Variants in SH3GL1 observed in about 807,000 individuals in gnomAD.
The protein encoded by SH3GL1 is SH3 domain containing GRB2 like 1, endophilin A2, also known as endophilin-A2.
In SH3GL1, 21 loss-of-function variants were observed where a neutral mutation model predicts 48.8. That is an observed-to-expected ratio of 0.43 (90% CI 0.30 to 0.62). The LOEUF (loss-of-function observed/expected upper bound fraction) is 0.62, where lower values mean the gene tolerates loss of function less well. Ranked by LOEUF, SH3GL1 falls within the 20% of genes least tolerant of loss-of-function variation. The pLI is 0.11. For missense variants in SH3GL1, 454 were observed against 503.0 expected, an observed-to-expected ratio of 0.90 and a Z score of 0.93; for synonymous variants, 282 against 217.5, an observed-to-expected ratio of 1.30 and a Z score of -2.61.
In SH3GL1 at chr19:4,367,580, ACT is replaced by A. The variant is rs1599595902; in HGVS notation, c.46-588_46-587del. 1.3e-5 allele frequency among the ~76,000 whole-genome samples: 2 copies of A among 152,262 alleles called. No individual in the cohort carries two copies. Among genetic ancestry groups the A allele is most frequent in the Admixed American group, 6.5e-5 (1 of 15,300 alleles). Reference sequence around the variant, plus strand: ...AGCCCAGCCCTTGCCCCATGTGGACACTGAGTTTCACAAGGCAGTCAACACAG... The same window carrying A: ...AGCCCAGCCCTTGCCCCATGTGGACAGAGTTTCACAAGGCAGTCAACACAG... On this transcript the variant is annotated intron_variant, in intron 1 of 9. Coordinates refer to ENST00000269886, the MANE Select transcript of SH3GL1 (RefSeq NM_003025.4). The surrounding 1 kb of genome is among the most constrained non-coding windows in gnomAD (Gnocchi z 4.2).
intron 1 of SH3GL1, among the ~76,000 whole-genome samples, chr19:4,398,351 G>A (rs1167872876): frequency 2.6e-5 from 4 of 151,604 alleles, no homozygotes; most frequent in East Asian, 1.9e-4. Flanking sequence ...TGCAGTACAC[G>A]GACCAATAGG....
chr19:4,374,997 C>G (rs896633558), intron 1 of SH3GL1, among the ~76,000 whole-genome samples: 1 of 152,202 alleles, frequency 6.6e-6, no homozygotes, highest in Non-Finnish European at 1.5e-5. Flanking sequence ...CTCTAATGAC[C>G]GGCAGCCCTG....
intron 4 of SH3GL1, among the ~76,000 whole-genome samples, chr19:4,364,974 C>T (rs570913033): frequency 1.5e-3 from 227 of 149,010 alleles, no homozygotes; most frequent in African/African-American, 5.5e-3. Context: ...TTGCTGGTCT[C>T]GAATTCCCGA....
intron 1 of SH3GL1, among the ~76,000 whole-genome samples, chr19:4,372,204 C>T (rs974455005): frequency 2.6e-5 from 4 of 152,206 alleles, no homozygotes; most frequent in African/African-American, 9.6e-5. Context: ...GCCCAGCCAC[C>T]TGCAGGACCA....
At chr19:4,364,537 TCTC>T (rs1257386759) in intron 4 of SH3GL1, 5 of 356,494 alleles carry the variant, frequency 1.4e-5, no homozygotes, top group South Asian at 2.5e-5. Context: ...TTCAAGCAAT[TCTC>T]CTGTCTCAGC....
chr19:4,394,701 C>T (rs1426022439), intron 1 of SH3GL1, among the ~76,000 whole-genome samples: 1 of 152,154 alleles, frequency 6.6e-6, no homozygotes, highest in Non-Finnish European at 1.5e-5. Context: ...TTATCTTTTC[C>T]AGCACTCTCT....
chr19:4,362,433 A>C, intron 8 of SH3GL1, 48 bp from the exon 9 acceptor site: 2 of 1,589,172 alleles, frequency 1.3e-6, no homozygotes, highest in Non-Finnish European at 1.7e-6. Context: ...ACGGTCGGGC[A>C]GGGCCCCTTC....
Position 4,367,092 on chromosome 19 carries a change from G to T in SH3GL1, c.46-98C>A. Reference sequence around the variant, plus strand: ...GCCTTCCAGCCACATCGCATCCACAGCTGGAGGCAGGAGGCCAAGTGATCA... The same window carrying T: ...GCCTTCCAGCCACATCGCATCCACATCTGGAGGCAGGAGGCCAAGTGATCA... On this transcript the variant is annotated intron_variant, in intron 1 of 9. Coordinates refer to ENST00000269886, the MANE Select transcript of SH3GL1 (RefSeq NM_003025.4). The surrounding 1 kb of genome is among the most constrained non-coding windows in gnomAD (Gnocchi z 4.2). 1 of 1,113,856 alleles carries T rather than the reference G, an allele frequency of 9.0e-7. No homozygotes were observed. Among genetic ancestry groups the T allele is most frequent in the Non-Finnish European group, 1.4e-6 (1 of 726,998 alleles). 69.0% of individuals were successfully genotyped at this position (1,113,856 alleles called of 1,614,324 possible). A position where few individuals can be genotyped will look rare whatever the true frequency, so the allele number is the denominator to read the frequency against.
At position 4,367,938 on chromosome 19, in the gene SH3GL1, G is replaced by A. The variant is rs1320193930; in HGVS notation, c.46-944C>T. Among the ~76,000 whole-genome samples, 1 of 152,136 alleles carries A rather than the reference G, an allele frequency of 6.6e-6. No homozygotes were observed. The highest frequency in any genetic ancestry group is 1.5e-5 in the Non-Finnish European group (1 of 68,016). ...TTCCCAGCACACAGCGCTTCATGAA[G>A]AGCCGAGTGGCTGCCAGGCCCTGCC... On this transcript the variant is annotated intron_variant, in intron 1 of 9. Transcript: ENST00000269886. The surrounding 1 kb of genome is among the most constrained non-coding windows in gnomAD (Gnocchi z 4.2).
intron 1 of SH3GL1, among the ~76,000 whole-genome samples, chr19:4,388,386 C>A (rs1232730756): frequency 1.3e-5 from 2 of 152,092 alleles, no homozygotes; most frequent in Non-Finnish European, 2.9e-5. Context: ...AACGCTGGGA[C>A]AGGGGACGCA....
intron 1 of SH3GL1, among the ~76,000 whole-genome samples, chr19:4,379,924 G>A (rs1439563407): frequency 2.6e-5 from 4 of 152,198 alleles, no homozygotes; most frequent in African/African-American, 9.7e-5. Flanking sequence ...CACTTCCTGA[G>A]CTACGAGCAG....
At chr19:4,368,680 AGT>A (rs1972834076) in intron 1 of SH3GL1, among the ~76,000 whole-genome samples, 1 of 152,170 alleles carries the variant, frequency 6.6e-6, no homozygotes. Context: ...CCGGGCATTC[AGT>A]GAGCACAGGC....
At chr19:4,361,859 C>A in intron 9 of SH3GL1, 63 bp from the exon 10 acceptor site, 1 of 1,210,458 alleles carries the variant, frequency 8.3e-7, no homozygotes, top group South Asian at 1.3e-5. Flanking sequence ...AGTCTGGGGT[C>A]TCAGACCTGC....
At chr19:4,379,975 G>A (rs574469588) in intron 1 of SH3GL1, among the ~76,000 whole-genome samples, 1 of 152,246 alleles carries the variant, frequency 6.6e-6, no homozygotes, top group Non-Finnish European at 1.5e-5. Context: ...ATCATGGTCT[G>A]GTAGCCAGGC....
chr19:4,375,060 C>T (rs539893848), intron 1 of SH3GL1, among the ~76,000 whole-genome samples: 14 of 152,288 alleles, frequency 9.2e-5, no homozygotes, highest in African/African-American at 1.4e-4. Flanking sequence ...GCACTGAGCC[C>T]GACCTGCTCC....
intron 1 of SH3GL1, among the ~76,000 whole-genome samples, chr19:4,388,754 G>C (rs1252214759): frequency 2.0e-5 from 3 of 152,238 alleles, no homozygotes; most frequent in Non-Finnish European, 4.4e-5. Context: ...TCGATCAAGG[G>C]GGGAAGCAGG....
intron 7 of SH3GL1, 34 bp from the exon 8 acceptor site, chr19:4,362,770 G>A (rs371858749): frequency 4.6e-5 from 74 of 1,612,778 alleles, no homozygotes; most frequent in Middle Eastern, 1.6e-4. Flanking sequence ...GACCGAGCCC[G>A]TGTCACGGCC....
At chr19:4,382,898 C>T (rs574201415) in intron 1 of SH3GL1, among the ~76,000 whole-genome samples, 1 of 152,268 alleles carries the variant, frequency 6.6e-6, no homozygotes, top group African/African-American at 2.4e-5. Flanking sequence ...CAAATGGTCA[C>T]TATGTAACCC....
intron 1 of SH3GL1, among the ~76,000 whole-genome samples, chr19:4,387,069 T>C (rs1421948796): frequency 6.6e-6 from 1 of 152,030 alleles, no homozygotes; most frequent in Non-Finnish European, 1.5e-5. Context: ...CCCGAGTAGC[T>C]GGGACTACAG....
Sources: gnomAD v4.1 joint callset for allele counts (sites outside exome capture counted in the v4.1 genomes callset) on GRCh38, gnomAD v4.1.1 for gene constraint, Gnocchi (gnomAD v3.1) non-coding constraint, MANE v1.5 for transcripts, NCBI Gene and HGNC (gene_info 2026-07-23, HGNC 2026-07-21) for gene names.